Variants in EFCAB10 observed in about 807,000 individuals in gnomAD.
EFCAB10 encodes EF-hand calcium binding domain 10, also known as EF-hand calcium-binding domain-containing protein 10.
A neutral mutation model predicts 7.7 loss-of-function variants in EFCAB10; 7 were observed. The observed-to-expected ratio is 0.91, with a 90% CI of 0.52 to 1.72. The LOEUF (loss-of-function observed/expected upper bound fraction) is 1.72. EFCAB10 is among the 40% of genes most tolerant of loss of function. The pLI is 0.00. For missense variants in EFCAB10, 112 were observed against 61.5 expected (o/e 1.82, Z -2.74); for synonymous variants, 52 against 21.0 (o/e 2.47, Z -4.03).
Position 105,569,532 on chromosome 7 carries a change from A to G in EFCAB10, c.146T>C (p.Leu49Pro), listed in dbSNP as rs1485537345. The change falls in exon 2 of 5, where the codon CTG (leucine) becomes CCG (proline). Residue 49 changes from leucine (L) to proline (P), a missense_variant. Leu to Pro is a moderately conservative substitution (Grantham distance 98). Transcript: ENST00000480514. ...KEYLISLLERLRIAKVTGVAF... is the reference protein window; with the variant it reads ...KEYLISLLERPRIAKVTGVAF... ...CACGCCTGTTACTTTTGCAATTCTC[A>G]GTCGTTCCAATAGAGATATTAAATA... The G allele has an allele frequency of 2.8e-6, 2 of 702,646 alleles. No homozygotes were observed. Among genetic ancestry groups the G allele is most frequent in the Non-Finnish European group, 5.2e-6 (2 of 384,928 alleles). 43.5% of individuals were successfully genotyped at this position (702,646 alleles called of 1,614,324 possible).
At chr7:105,565,700 G>T in intron 4 of EFCAB10, 1 of 1,225,462 alleles carries the variant, frequency 8.2e-7, no homozygotes, top group East Asian at 2.3e-5. Flanking sequence ...GTTACAGGAG[G>T]CTAACTCCTT....
At chr7:105,573,962 A>G (rs1792007352) in intron 1 of EFCAB10, among the ~76,000 whole-genome samples, 1 of 151,908 alleles carries the variant, frequency 6.6e-6, no homozygotes, top group African/African-American at 2.4e-5. Context: ...TCCCACAGCA[A>G]TCTCTCTCAT....
intron 1 of EFCAB10, among the ~76,000 whole-genome samples, chr7:105,579,364 GGGT>G (rs1792166493): frequency 1.3e-5 from 2 of 152,142 alleles, no homozygotes; most frequent in Non-Finnish European, 2.9e-5. Context: ...TACGGGGTTT[GGGT>G]GGTGGTGGTG....
At position 105,565,605 on chromosome 7, in the gene EFCAB10, T is replaced by C. The variant is rs566796840; in HGVS notation, c.*-158A>G. On this transcript the variant is annotated intron_variant, in intron 4 of 4. Coordinates refer to ENST00000480514, the MANE Select transcript of EFCAB10 (RefSeq NM_001355526.2). ...TGATATGACTCGGAATCTTTTCCCTTTGTTTTCTCACTATTGCAAGAGACC... is the reference window on the plus strand; with the variant it reads ...TGATATGACTCGGAATCTTTTCCCTCTGTTTTCTCACTATTGCAAGAGACC... 2.9e-5 allele frequency: 46 copies of C among 1,613,846 alleles called. No homozygotes were observed. The South Asian group carries it at 4.7e-4, about 17-fold the overall frequency.
At chr7:105,575,199 T>G (rs1052472639) in intron 1 of EFCAB10, among the ~76,000 whole-genome samples, 55 of 151,914 alleles carry the variant, frequency 3.6e-4, no homozygotes, top group Admixed American at 1.2e-3. Flanking sequence ...CTTGGCCCCA[T>G]GATTCAATTA....
intron 1 of EFCAB10, 133 bp downstream of exon 1, chr7:105,581,225 G>T (rs1462953625): frequency 1.6e-6 from 1 of 613,928 alleles, no homozygotes; most frequent in Non-Finnish European, 2.9e-6. Context: ...ATTGAAGGCC[G>T]CAGAGTTAAT....
intron 1 of EFCAB10, among the ~76,000 whole-genome samples, chr7:105,570,268 T>TATATATATATATATATATATATAC (rs1188257284): frequency 2.0e-4 from 13 of 66,460 alleles, no homozygotes; most frequent in Non-Finnish European, 3.0e-4. Context: ...TATATATATA[T>TATATATATATATATATATATATAC]ACACACACAC....
chr7:105,570,762 C>T (rs917285983), intron 1 of EFCAB10, among the ~76,000 whole-genome samples: 2 of 152,166 alleles, frequency 1.3e-5, no homozygotes, highest in Non-Finnish European at 2.9e-5. Flanking sequence ...CGGTGGCTCA[C>T]GCCTGTAATC....
rs1258526855 is a variant in EFCAB10, at chr7:105,567,499, A to G, written c.360-9T>C. The G allele has an allele frequency of 1.4e-6, 1 of 698,372 alleles. No homozygotes were observed. Among genetic ancestry groups the G allele is most frequent in the East Asian group, 2.7e-5 (1 of 37,224 alleles). 43.3% of individuals were successfully genotyped at this position (698,372 alleles called of 1,614,324 possible). On this transcript the variant is annotated splice_polypyrimidine_tract_variant and intron_variant, in intron 3 of 4. Transcript: ENST00000480514. ...CCTTCATCCTCTTGTTCCTAAGGAA[A>G]CAAAAACAGAAAACGAAACAATGAA...
At chr7:105,580,245 C>G (rs1792189640) in intron 1 of EFCAB10, among the ~76,000 whole-genome samples, 1 of 152,102 alleles carries the variant, frequency 6.6e-6, no homozygotes, top group Non-Finnish European at 1.5e-5. Flanking sequence ...ACCACAGCCT[C>G]CCAGAGCGTT....
At chr7:105,569,682 G>A (rs925532140) in intron 1 of EFCAB10, 111 bp from the exon 2 acceptor site, 25 of 597,494 alleles carry the variant, frequency 4.2e-5, no homozygotes, top group African/African-American at 3.5e-4. Context: ...TGTACTAGGC[G>A]CTGGGGACAC....
chr7:105,575,803 C>T (rs564140093), intron 1 of EFCAB10, among the ~76,000 whole-genome samples: 3 of 152,114 alleles, frequency 2.0e-5, no homozygotes, highest in South Asian at 4.1e-4. Context: ...TTTGGGAGGC[C>T]GAGGTGGGAG....
At position 105,581,390 on chromosome 7, in the gene EFCAB10, T is replaced by C. The variant is rs1004531384; in HGVS notation, c.74A>G (p.Tyr25Cys). 1.4e-6 allele frequency: 1 copy of C among 702,784 alleles called. No individual in the cohort carries two copies. The highest frequency in any genetic ancestry group is 1.7e-5 in the African/African-American group (1 of 57,234). 43.5% of individuals were successfully genotyped at this position (702,784 alleles called of 1,614,324 possible). The change falls in exon 1 of 5, where the codon TAC (tyrosine) becomes TGC (cysteine). Residue 25 changes from tyrosine to cysteine, a missense_variant. Coordinates refer to ENST00000480514, the MANE Select transcript of EFCAB10 (RefSeq NM_001355526.2). Reference protein sequence around the residue: ...EKHQIKEVVSYLTSALLFFRP... With the variant: ...EKHQIKEVVSCLTSALLFFRP... ...AAAGAAAAGGAGGGCGCTGGTGAGGTAGCTAACCACCTCCTTGATCTGATG... is the reference window on the plus strand; with the variant it reads ...AAAGAAAAGGAGGGCGCTGGTGAGGCAGCTAACCACCTCCTTGATCTGATG...
intron 1 of EFCAB10, among the ~76,000 whole-genome samples, chr7:105,579,906 T>G (rs1464746995): frequency 6.6e-6 from 1 of 152,208 alleles, no homozygotes; most frequent in Non-Finnish European, 1.5e-5. Flanking sequence ...AAAATGAAAT[T>G]TAAAAATAAA....
At chr7:105,568,075 A>G (rs1440272754) in intron 3 of EFCAB10, among the ~76,000 whole-genome samples, 1 of 152,200 alleles carries the variant, frequency 6.6e-6, no homozygotes, top group African/African-American at 2.4e-5. Context: ...CTTCTATTTT[A>G]AATGCTTCCT....
At chr7:105,570,268 TACAC>T (rs1554369774) in intron 1 of EFCAB10, among the ~76,000 whole-genome samples, 1 of 66,428 alleles carries the variant, frequency 1.5e-5, no homozygotes, top group African/African-American at 6.3e-5. Context: ...TATATATATA[TACAC>T]ACACACACAC....
intron 1 of EFCAB10, among the ~76,000 whole-genome samples, chr7:105,578,018 C>G (rs1323689653): frequency 6.6e-6 from 1 of 152,206 alleles, no homozygotes; most frequent in Non-Finnish European, 1.5e-5. Flanking sequence ...CCCACCTTGG[C>G]CTCCCAAAGT....
At chr7:105,565,666 CAATT>C (rs1327277129) in intron 4 of EFCAB10, 2 of 1,458,204 alleles carry the variant, frequency 1.4e-6, no homozygotes, top group South Asian at 2.3e-5. Flanking sequence ...CAACATTTAA[CAATT>C]AATATTAATG....
At position 105,569,220 on chromosome 7, in the gene EFCAB10, A is replaced by T; in HGVS notation, c.342T>A (p.Asp114Glu). The change falls in exon 3 of 5, where the codon GAT (aspartate) becomes GAA (glutamate). Residue 114 changes from aspartate to glutamate, a missense_variant. Coordinates refer to ENST00000480514, the MANE Select transcript of EFCAB10 (RefSeq NM_001355526.2). ...LQDDGHKITLDKFKEEVNKRM... is the reference protein window; with the variant it reads ...LQDDGHKITLEKFKEEVNKRM... ...AAACTTACACTTCCTCCTTGAATTT[A>T]TCCAAAGTTATTTTATGTCCATCAT... 1.4e-6 allele frequency: 1 copy of T among 701,328 alleles called. No individual in the cohort carries two copies. The highest frequency in any genetic ancestry group is 2.6e-6 in the Non-Finnish European group (1 of 384,946). 43.4% of individuals were successfully genotyped at this position (701,328 alleles called of 1,614,324 possible). A position where few individuals can be genotyped will look rare whatever the true frequency, so the allele number is the denominator to read the frequency against.
Sources: gnomAD v4.1 joint callset for allele counts (sites outside exome capture counted in the v4.1 genomes callset) on GRCh38, gnomAD v4.1.1 for gene constraint, MANE v1.5 for transcripts, NCBI Gene and HGNC (gene_info 2026-07-23, HGNC 2026-07-21) for gene names.